PPIP5K2: variants seen among roughly 807,000 people sequenced by gnomAD.
The protein encoded by PPIP5K2 is diphosphoinositol pentakisphosphate kinase 2, also known as inositol hexakisphosphate and diphosphoinositol-pentakisphosphate kinase 2.
PPIP5K2 carries 105 observed loss-of-function variants against 154.6 expected under a neutral mutation model. The ratio of observed to expected loss-of-function variants is 0.68; its 90% CI spans 0.58 to 0.80. PPIP5K2 has a LOEUF of 0.80. Among genes scored for constraint, PPIP5K2 ranks in the 30% least tolerant of loss-of-function variants. The pLI is 0.00. For missense variants in PPIP5K2, 992 were observed against 1,504.6 expected, an observed-to-expected ratio of 0.66 and a Z score of 5.64; for synonymous variants, 480 against 490.3, an observed-to-expected ratio of 0.98 and a Z score of 0.28.
chr5:103,134,844 GA>G (rs1288594540), intron 3 of PPIP5K2, among the ~76,000 whole-genome samples: 2 of 152,174 alleles, frequency 1.3e-5, no homozygotes. Flanking sequence ...GATGAATTCT[GA>G]GAGTCTTTAT....
intron 17 of PPIP5K2, among the ~76,000 whole-genome samples, chr5:103,164,464 A>T (rs979653812): frequency 2.0e-5 from 3 of 152,020 alleles, no homozygotes; most frequent in Non-Finnish European, 4.4e-5. Context: ...CTAAGTTATT[A>T]ATGTTCTGTC....
At position 103,154,821 on chromosome 5, in the gene PPIP5K2, A is replaced by G; in HGVS notation, c.1294-13A>G. The G allele has an allele frequency of 6.4e-7, 1 of 1,555,658 alleles. No homozygotes were observed. The highest frequency in any genetic ancestry group is 1.4e-5 in the African/African-American group (1 of 72,070). ...TACATAAAAATTCAATTTTTTATTAATTTATTTTATAGGAAGTGCTAGATA... is the reference window on the plus strand; with the variant it reads ...TACATAAAAATTCAATTTTTTATTAGTTTATTTTATAGGAAGTGCTAGATA... On this transcript the variant is annotated splice_polypyrimidine_tract_variant and intron_variant, in intron 12 of 30. Coordinates refer to ENST00000358359, the MANE Select transcript of PPIP5K2 (RefSeq NM_001276277.3).
chr5:103,211,752 A>T lies in PPIP5K2; in HGVS notation c.*10118A>T, dbSNP rs1290266184. On this transcript the variant is annotated 3_prime_UTR_variant, in exon 31 of 31. Coordinates refer to ENST00000358359, the MANE Select transcript of PPIP5K2 (RefSeq NM_001276277.3). ...TACTACACTAAGCCCTGATGATACA[A>T]ATATGAAAAGTCCTGTTTCCAGGGA... is the stretch of plus-strand genomic sequence containing the variant. 1 of 152,104 alleles carries T rather than the reference A, an allele frequency of 6.6e-6. No individual in the cohort carries two copies. The highest frequency in any genetic ancestry group is 2.4e-5 in the African/African-American group (1 of 41,424). 9.4% of individuals were successfully genotyped at this position (152,104 alleles called of 1,614,324 possible).
At chr5:103,149,649 A>G (rs1210770974) in intron 8 of PPIP5K2, among the ~76,000 whole-genome samples, 3 of 152,132 alleles carry the variant, frequency 2.0e-5, no homozygotes, top group Non-Finnish European at 4.4e-5. Flanking sequence ...TTTTTTGTTG[A>G]ATGAAAACAG....
In PPIP5K2 at chr5:103,207,528, A is replaced by G. The variant is rs1359833895; in HGVS notation, c.*5894A>G. The G allele has an allele frequency of 2.6e-5, 4 of 152,062 alleles. No individual in the cohort carries two copies. Among genetic ancestry groups the G allele is most frequent in the African/African-American group, 9.7e-5 (4 of 41,414 alleles). 9.4% of individuals were successfully genotyped at this position (152,062 alleles called of 1,614,324 possible). ...TTGCTATAGTTCACTTGTTGTGCTA[A>G]TGGTTTTTTCCTTCACTATGATTTT... is the stretch of plus-strand genomic sequence containing the variant. On this transcript the variant is annotated 3_prime_UTR_variant, in exon 31 of 31. Coordinates refer to ENST00000358359, the MANE Select transcript of PPIP5K2 (RefSeq NM_001276277.3).
intron 21 of PPIP5K2, 97 bp downstream of exon 21, chr5:103,174,069 C>T: frequency 2.1e-6 from 2 of 957,044 alleles, no homozygotes; most frequent in Admixed American, 5.1e-5. Context: ...GTAATTCATC[C>T]TTAAGTTTTA....
At position 103,154,686 on chromosome 5, in the gene PPIP5K2, GA is replaced by G; in HGVS notation, c.1238del (p.Lys413SerfsTer10). 1 of 1,549,234 alleles carries G rather than the reference GA, an allele frequency of 6.5e-7. No homozygotes were observed. Among genetic ancestry groups the G allele is most frequent in the Admixed American group, 1.8e-5 (1 of 54,878 alleles). On this transcript the variant is annotated frameshift_variant, in exon 12 of 31. Coordinates refer to ENST00000358359, the MANE Select transcript of PPIP5K2 (RefSeq NM_001276277.3). LOFTEE classifies it high-confidence loss of function. ...VRHQKFFDLFEKCDGYKSGKL... is the reference protein window; with the variant it reads ...VRHQKFFDLFXKCDGYKSGKL... ...TTTTATAAGATTTTTTGATCTTTTT[GA>G]AAAGTGTGATGGATATAAATCAGGG...
At chr5:103,174,940 C>T (rs1798478506) in intron 21 of PPIP5K2, among the ~76,000 whole-genome samples, 1 of 152,070 alleles carries the variant, frequency 6.6e-6, no homozygotes, top group Non-Finnish European at 1.5e-5. Flanking sequence ...TTCACATCTC[C>T]CTCAGTGCCA....
In PPIP5K2 at chr5:103,211,341, C is replaced by T. The variant is rs151036890; in HGVS notation, c.*9707C>T. 3.3e-5 allele frequency: 5 copies of T among 152,070 alleles called. No homozygotes were observed. Among genetic ancestry groups the T allele is most frequent in the African/African-American group, 1.2e-4 (5 of 41,506 alleles). The allele number at this position is 152,070 out of a possible 1,614,324, so 9.4% of individuals were successfully genotyped here. ...CACTCCTCCCTCAAAAAAAATTGTC[C>T]CTAGAAAACTAGAGTGATCATAGGG... On this transcript the variant is annotated 3_prime_UTR_variant, in exon 31 of 31. Transcript: ENST00000358359.
In PPIP5K2 at chr5:103,152,652, A is replaced by T. The variant is rs1794804151; in HGVS notation, c.1033A>T (p.Ile345Phe). ...YDDCAKILGN[I>F]VMRELAPQFH... ...CTTTTCTTTTTTGTCTTGAAGAAAT[A>T]TTGTAATGCGAGAACTTGCTCCACA... is the stretch of plus-strand genomic sequence containing the variant. The change falls in exon 10 of 31, where the codon ATT becomes TTT. Residue 345 changes from isoleucine (I) to phenylalanine (F), a missense_variant. Physicochemically the swap from Ile to Phe is conservative, Grantham distance 21 (BLOSUM62 0). Transcript: ENST00000358359. 6.3e-7 allele frequency: 1 copy of T among 1,574,944 alleles called. No homozygotes were observed. The highest frequency in any genetic ancestry group is 1.7e-5 in the Admixed American group (1 of 59,376).
intron 21 of PPIP5K2, among the ~76,000 whole-genome samples, chr5:103,174,788 T>A (rs1554220490): frequency 6.6e-6 from 1 of 152,122 alleles, no homozygotes; most frequent in African/African-American, 2.4e-5. Flanking sequence ...CAGCACCAGA[T>A]GGGCTGAGTG....
At chr5:103,186,615 A>C (rs1554225213) in intron 27 of PPIP5K2, among the ~76,000 whole-genome samples, 176 bp downstream of exon 27, 3 of 152,194 alleles carry the variant, frequency 2.0e-5, no homozygotes, top group African/African-American at 7.2e-5. Flanking sequence ...ATGTTTCATC[A>C]GACAGTTAAT....
rs1489757852 is a variant in PPIP5K2, at chr5:103,151,116, C to G, written c.907-137C>G. On this transcript the variant is annotated intron_variant, in intron 8 of 30. Coordinates refer to ENST00000358359, the MANE Select transcript of PPIP5K2 (RefSeq NM_001276277.3). The stretch of plus-strand genomic sequence containing the variant: ...TATAAATAAGTAATTTCTTTCATTT[C>G]TTATTATGAAGTAAACCACTATATA... The G allele has an allele frequency of 1.2e-5, 7 of 574,664 alleles. No individual in the cohort carries two copies. The Admixed American group carries it at 2.7e-4, about 22-fold the overall frequency. The allele number at this position is 574,664 out of a possible 1,614,324, so 35.6% of individuals were successfully genotyped here.
Position 103,190,531 on chromosome 5 carries a change from AAACTT to A in PPIP5K2, c.3353-310_3353-306del, listed in dbSNP as rs563231369. Among the ~76,000 whole-genome samples, 684 of 152,088 alleles carry A rather than the reference AAACTT, an allele frequency of 4.5e-3. 7 individuals carry two copies. Among genetic ancestry groups the A allele is most frequent in the African/African-American group, 0.016 (647 of 41,530 alleles). On this transcript the variant is annotated intron_variant, in intron 28 of 30. Transcript: ENST00000358359. ...CCTGACTTCAAAAAATAAAAACTGA[AAACTT>A]GTATTTCTTTGTTTTTTTTTCCCTA...
intron 28 of PPIP5K2, among the ~76,000 whole-genome samples, chr5:103,190,556 T>C (rs7724081): frequency 0.055 from 8,385 of 152,042 alleles, 330 homozygotes; most frequent in African/African-American, 0.093. Flanking sequence ...TGTTTTTTTT[T>C]CCCTAGGTTT....
At position 103,173,898 on chromosome 5, in the gene PPIP5K2, A is replaced by G. The variant is rs1798332385; in HGVS notation, c.2455A>G (p.Thr819Ala). Reference protein sequence around the residue: ...GVLSPERHVRTRLYFTSESHV... With the variant: ...GVLSPERHVRARLYFTSESHV... ...TCTGTCTCCTGAACGTCATGTTCGT[A>G]CTAGATTATATTTTACCAGTGAAAG... The change falls in exon 21 of 31, where the codon ACT (threonine) becomes GCT (alanine). Residue 819 changes from threonine to alanine, a missense_variant. Thr to Ala is a moderately conservative substitution (Grantham distance 58). Around this residue, in one of 9 missense-constraint regions of PPIP5K2, gnomAD observed 157 missense variants for 281.2 expected, o/e 0.56. Coordinates refer to ENST00000358359, the MANE Select transcript of PPIP5K2 (RefSeq NM_001276277.3). The G allele has an allele frequency of 6.2e-7, 1 of 1,609,102 alleles. No individual in the cohort carries two copies. The highest frequency in any genetic ancestry group is 8.5e-7 in the Non-Finnish European group (1 of 1,176,362).
chr5:103,196,358 A>G (rs1351814745), intron 30 of PPIP5K2, among the ~76,000 whole-genome samples: 1 of 152,158 alleles, frequency 6.6e-6, no homozygotes, highest in African/African-American at 2.4e-5. Context: ...TAAACCACAA[A>G]TCTTACAGAT....
rs782412233 is a variant in PPIP5K2, at chr5:103,186,390, T to C, written c.3240T>C (p.Asp1080=). ...CTTCAAGCGCACCTAACCTACAGGA[T>C]TATGCTCGTACTCATCGTAAAAAGC... The part of the protein sequence containing the change: ...GGSSSAPNLQ[D]YARTHRKKLT... Residue 1080 remains aspartate (D), a synonymous_variant, in exon 27 of 31, where the codon GAT becomes GAC. Transcript: ENST00000358359. 1.2e-6 allele frequency: 2 copies of C among 1,613,950 alleles called. No individual in the cohort carries two copies. The highest frequency in any genetic ancestry group is 2.2e-5 in the South Asian group (2 of 91,086).
At position 103,210,982 on chromosome 5, in the gene PPIP5K2, G is replaced by A. The variant is rs1489791961; in HGVS notation, c.*9348G>A. The A allele has an allele frequency of 1.3e-5, 2 of 152,142 alleles. No individual in the cohort carries two copies. The highest frequency in any genetic ancestry group is 1.3e-4 in the Admixed American group (2 of 15,252). The allele number at this position is 152,142 out of a possible 1,614,324, so 9.4% of individuals were successfully genotyped here. On this transcript the variant is annotated 3_prime_UTR_variant, in exon 31 of 31. Transcript: ENST00000358359. ...ACTAGTATACATATTTAGAGGTGCT[G>A]TAGTCTTCTAGACTGTAAAGGCAGA...
Sources: gnomAD v4.1 joint callset for allele counts (sites outside exome capture counted in the v4.1 genomes callset) on GRCh38, gnomAD v4.1.1 for gene constraint, gnomAD v4.1.1 regional missense constraint, MANE v1.5 for transcripts, NCBI Gene and HGNC (gene_info 2026-07-23, HGNC 2026-07-21) for gene names.